Variants in NDST4 observed in about 807,000 individuals in gnomAD.
NDST4 encodes N-deacetylase and N-sulfotransferase 4.
In NDST4, 63 loss-of-function variants were observed where a neutral mutation model predicts 100.8. That is an observed-to-expected ratio of 0.62 (90% confidence interval 0.51 to 0.77). The LOEUF is 0.77. Ranked by LOEUF, NDST4 falls within the 30% of genes least tolerant of loss-of-function variation. NDST4 has a pLI of 0.00. For synonymous variants in NDST4, 377 were observed against 361.8 expected (o/e 1.04, Z -0.48); for missense variants, 943 against 1,018.4 (o/e 0.93, Z 1.01).
intron 9 of NDST4, among the ~76,000 whole-genome samples, chr4:114,847,212 T>A (rs1723568878): frequency 7.1e-6 from 1 of 140,340 alleles, no homozygotes. Context: ...CCGTCTCTAC[T>A]GAAAATACAA....
intron 1 of NDST4, among the ~76,000 whole-genome samples, chr4:115,092,724 C>G (rs1448558836): frequency 6.6e-6 from 1 of 151,898 alleles, no homozygotes; most frequent in Non-Finnish European, 1.5e-5. Context: ...CCTATCTATG[C>G]ATATTCTTCA....
In NDST4 at chr4:114,839,501, A is replaced by G. The variant is rs369688912; in HGVS notation, c.2163T>C (p.Tyr721=). The G allele has an allele frequency of 7.4e-6, 12 of 1,613,824 alleles. No homozygotes were observed. The African/African-American group carries it at 8.0e-5, about 11-fold the overall frequency. Residue 721 remains tyrosine, a synonymous_variant, in exon 11 of 14, where the codon TAT becomes TAC. Transcript: ENST00000264363. The part of the protein sequence containing the change: ...EDPAALRFNF[Y]EVISTGHWAP... Reference sequence around the variant, plus strand: ...CCCAATGTCCTGTTGAAATAACTTCATAGAAATTGAACCTCAGAGCAGCTG... The same window carrying G: ...CCCAATGTCCTGTTGAAATAACTTCGTAGAAATTGAACCTCAGAGCAGCTG...
At chr4:115,001,906 C>T (rs1727297792) in intron 2 of NDST4, among the ~76,000 whole-genome samples, 2 of 152,142 alleles carry the variant, frequency 1.3e-5, no homozygotes, top group African/African-American at 4.8e-5. Context: ...TATGTAAGAG[C>T]CCAGGCAGAG....
In NDST4 at chr4:115,076,229, G is replaced by A. The variant is rs1056444301; in HGVS notation, c.808C>T (p.Leu270Phe). ...CAAAAGTTCAAGTTGTTGCCAAAAA[G>A]TACTCTCTGAATTCCATCATGAAGC... Reference protein sequence around the residue: ...LGLHDGIQRVLFGNNLNFWLH... With the variant: ...LGLHDGIQRVFFGNNLNFWLH... Residue 270 changes from leucine to phenylalanine, a missense_variant, in exon 2 of 14, where the codon CTT becomes TTT. By Grantham distance (22) the Leu-to-Phe change is conservative (BLOSUM62 0). This residue lies in a region of NDST4 where 417 missense variants were observed against 384.2 expected (regional missense o/e 1.09). Coordinates refer to ENST00000264363, the MANE Select transcript of NDST4 (RefSeq NM_022569.3). 6.2e-7 allele frequency: 1 copy of A among 1,613,966 alleles called. No individual in the cohort carries two copies. The highest frequency in any genetic ancestry group is 8.5e-7 in the Non-Finnish European group (1 of 1,179,950).
intron 4 of NDST4, among the ~76,000 whole-genome samples, chr4:114,954,383 G>C (rs546072811): frequency 3.7e-4 from 56 of 152,084 alleles, no homozygotes; most frequent in African/African-American, 1.3e-3. Context: ...TCTATCATGA[G>C]GCTTAAATGT....
At chr4:115,004,266 T>G (rs939106084) in intron 2 of NDST4, among the ~76,000 whole-genome samples, 2 of 152,226 alleles carry the variant, frequency 1.3e-5, no homozygotes, top group African/African-American at 4.8e-5. Flanking sequence ...TTTTTTAGCC[T>G]GACAACACTT....
At position 114,845,432 on chromosome 4, in the gene NDST4, C is replaced by T. The variant is rs76967033; in HGVS notation, c.2115+391G>A. On this transcript the variant is annotated intron_variant, in intron 10 of 13. Transcript: ENST00000264363. ...CTTCACTTTGCTCATTTTTCTACTG[C>T]GATATTTTACTTATTTATTAACTTG... Among the ~76,000 whole-genome samples, 1,229 of 152,182 alleles carry T rather than the reference C, an allele frequency of 8.1e-3. 7 individuals are homozygous for T. The highest frequency in any genetic ancestry group is 0.013 in the Non-Finnish European group (865 of 67,986).
At chr4:115,025,204 A>G (rs1727956957) in intron 2 of NDST4, among the ~76,000 whole-genome samples, 1 of 152,124 alleles carries the variant, frequency 6.6e-6, no homozygotes, top group Non-Finnish European at 1.5e-5. Context: ...CACATCCAAC[A>G]TGGGAGGAAG....
Position 114,967,150 on chromosome 4 carries a change from A to T in NDST4, c.1221+3280T>A, listed in dbSNP as rs115005341. On this transcript the variant is annotated intron_variant, in intron 4 of 13. Transcript: ENST00000264363. ...TATATCTCTTGGCTCTCTGGATAGC[A>T]CACATATTGTCATGTTATGTTGACA... Among the ~76,000 whole-genome samples, 562 of 152,194 alleles carry T rather than the reference A, an allele frequency of 3.7e-3. 4 individuals carry two copies. Among genetic ancestry groups the T allele is most frequent in the African/African-American group, 0.013 (537 of 41,564 alleles).
chr4:115,062,450 C>A (rs893619183), intron 2 of NDST4, among the ~76,000 whole-genome samples: 1 of 151,410 alleles, frequency 6.6e-6, no homozygotes, highest in African/African-American at 2.4e-5. Flanking sequence ...AATATACACA[C>A]GAAAAAATGC....
intron 6 of NDST4, among the ~76,000 whole-genome samples, chr4:114,871,719 C>T (rs114599285): frequency 0.011 from 1,721 of 151,980 alleles, 24 homozygotes; most frequent in African/African-American, 0.039. Context: ...AGATTGTTTA[C>T]GCAACTCATA....
At chr4:114,938,173 T>G (rs1170494044) in intron 4 of NDST4, among the ~76,000 whole-genome samples, 1 of 152,092 alleles carries the variant, frequency 6.6e-6, no homozygotes, top group African/African-American at 2.4e-5. Flanking sequence ...TAAATTAAAT[T>G]ATTTATGGTC....
At chr4:114,976,651 C>G (rs1726639740) in intron 3 of NDST4, among the ~76,000 whole-genome samples, 1 of 151,726 alleles carries the variant, frequency 6.6e-6, no homozygotes, top group African/African-American at 2.4e-5. Flanking sequence ...TGGTTTTAGT[C>G]TATGTTAGGC....
rs1312056533 is a variant in NDST4, at chr4:115,076,399, C to T, written c.638G>A (p.Gly213Asp). ...AGTCCAGTCTTCCCCAGGAAGAGGG[C>T]CTTTCTCAACCTTGGGGGCTTTGGT... ...HITKAPKVEK[G>D]PLPGEDWTIF... The change falls in exon 2 of 14, where the codon GGC becomes GAC. Residue 213 changes from glycine (G) to aspartate (D), a missense_variant. Gly to Asp is a moderately conservative substitution (Grantham distance 94, BLOSUM62 -1). Around this residue, in one of 2 missense-constraint regions of NDST4, gnomAD observed 417 missense variants for 384.2 expected, o/e 1.09. Transcript: ENST00000264363. 1.9e-6 allele frequency: 3 copies of T among 1,613,802 alleles called. No individual in the cohort carries two copies. Among genetic ancestry groups the T allele is most frequent in the African/African-American group, 1.3e-5 (1 of 74,916 alleles).
chr4:115,107,201 AG>A (rs931133298), intron 1 of NDST4, among the ~76,000 whole-genome samples: 9 of 152,246 alleles, frequency 5.9e-5, no homozygotes, highest in Non-Finnish European at 1.3e-4. Context: ...ATTGAATTTC[AG>A]TCTGTGAGAA....
chr4:115,069,434 A>G (rs1486083988), intron 2 of NDST4, among the ~76,000 whole-genome samples: 1 of 152,198 alleles, frequency 6.6e-6, no homozygotes, highest in Non-Finnish European at 1.5e-5. Flanking sequence ...CAGTATCTAT[A>G]AGGAACTTAA....
At chr4:115,008,139 G>A (rs1366396393) in intron 2 of NDST4, among the ~76,000 whole-genome samples, 1 of 129,656 alleles carries the variant, frequency 7.7e-6, no homozygotes, top group Non-Finnish European at 1.7e-5. Flanking sequence ...GCACACTGAT[G>A]GGTCTTGACT....
chr4:115,039,259 G>C (rs1728297798), intron 2 of NDST4, among the ~76,000 whole-genome samples: 1 of 152,100 alleles, frequency 6.6e-6, no homozygotes, highest in Admixed American at 6.6e-5. Flanking sequence ...AATCCCGAAG[G>C]ATGCCCACTG....
chr4:114,945,788 C>G (rs1725849156), intron 4 of NDST4, among the ~76,000 whole-genome samples: 1 of 152,090 alleles, frequency 6.6e-6, no homozygotes, highest in Admixed American at 6.6e-5. Context: ...ATCCTAGAAT[C>G]ATTGATTTTC....
Sources: gnomAD v4.1 joint callset for allele counts (sites outside exome capture counted in the v4.1 genomes callset) on GRCh38, gnomAD v4.1.1 for gene constraint, gnomAD v4.1.1 regional missense constraint, MANE v1.5 for transcripts, NCBI Gene and HGNC (gene_info 2026-07-23, HGNC 2026-07-21) for gene names.